The following RALGPS2 variants were observed in gnomAD, a reference collection of about 807,000 sequenced individuals.
RALGPS2 encodes the protein Ral GEF with PH domain and SH3 binding motif 2.
Under a neutral mutation model 86.8 loss-of-function variants are expected in RALGPS2, and 43 were observed. The observed-to-expected ratio is 0.50, with a 90% CI of 0.39 to 0.64. The LOEUF (loss-of-function observed/expected upper bound fraction) is 0.64. Among genes scored for constraint, RALGPS2 ranks in the 30% least tolerant of loss-of-function variants. The pLI, the probability that RALGPS2 is intolerant of heterozygous loss-of-function variation, is 0.00. For missense variants in RALGPS2, 536 were observed against 694.6 expected, an observed-to-expected ratio of 0.77 and a Z score of 2.57; for synonymous variants, 243 against 231.3, an observed-to-expected ratio of 1.05 and a Z score of -0.46.
intron 2 of RALGPS2, among the ~76,000 whole-genome samples, chr1:178,783,105 A>T (rs2102124297): frequency 6.6e-6 from 1 of 152,358 alleles, no homozygotes; most frequent in Admixed American, 6.5e-5. Context: ...TAATGAAAAA[A>T]AGCGTACAGC....
At chr1:178,846,976 A>C (rs1656895344) in intron 8 of RALGPS2, among the ~76,000 whole-genome samples, 2 of 152,214 alleles carry the variant, frequency 1.3e-5, no homozygotes, top group South Asian at 4.1e-4. Context: ...GAGACAAAGG[A>C]GTTTAAATTG....
At chr1:178,882,012 A>G (rs1014177084) in intron 10 of RALGPS2, among the ~76,000 whole-genome samples, 9 of 152,240 alleles carry the variant, frequency 5.9e-5, no homozygotes, top group African/African-American at 2.2e-4. Context: ...CAGGGTGAAA[A>G]TTCTTCTGGG....
At chr1:178,849,086 T>C (rs1177792029) in intron 8 of RALGPS2, among the ~76,000 whole-genome samples, 1 of 152,240 alleles carries the variant, frequency 6.6e-6, no homozygotes, top group Non-Finnish European at 1.5e-5. Context: ...TTTACCTGTA[T>C]TAACTCATTT....
At chr1:178,810,936 A>G (rs1558129707) in intron 5 of RALGPS2, among the ~76,000 whole-genome samples, 1 of 152,106 alleles carries the variant, frequency 6.6e-6, no homozygotes, top group African/African-American at 2.4e-5. Context: ...GAGCATTATC[A>G]TATTATATAT....
chr1:178,750,132 G>A (rs1202880576), intron 1 of RALGPS2, among the ~76,000 whole-genome samples: 1 of 152,068 alleles, frequency 6.6e-6, no homozygotes, highest in Non-Finnish European at 1.5e-5. Context: ...CAAAAAAACA[G>A]TACTTTCTGA....
chr1:178,750,308 A>T (rs1651584110), intron 1 of RALGPS2, among the ~76,000 whole-genome samples: 1 of 152,236 alleles, frequency 6.6e-6, no homozygotes. Context: ...ACATAAATGG[A>T]TGAGTGGCTG....
At chr1:178,743,422 C>T (rs755513639) in intron 1 of RALGPS2, among the ~76,000 whole-genome samples, 1 of 152,062 alleles carries the variant, frequency 6.6e-6, no homozygotes, top group Non-Finnish European at 1.5e-5. Flanking sequence ...TAACTTTCTA[C>T]TCATTAGAAT....
At chr1:178,854,507 CACTT>C (rs1345781495) in intron 8 of RALGPS2, among the ~76,000 whole-genome samples, 4 of 152,124 alleles carry the variant, frequency 2.6e-5, no homozygotes, top group African/African-American at 9.7e-5. Flanking sequence ...CCCCCAACAA[CACTT>C]ACTAACAGCC....
intron 3 of RALGPS2, among the ~76,000 whole-genome samples, chr1:178,784,794 C>G (rs575719393): frequency 6.6e-6 from 1 of 152,010 alleles, no homozygotes; most frequent in South Asian, 2.1e-4. Flanking sequence ...TTGCTGTCAT[C>G]CCTCTATACC....
At chr1:178,804,373 C>T (rs1321184313) in intron 4 of RALGPS2, among the ~76,000 whole-genome samples, 1 of 143,450 alleles carries the variant, frequency 7.0e-6, no homozygotes, top group Non-Finnish European at 1.5e-5. Context: ...GTGTGCTGCA[C>T]CCACTAACTC....
At chr1:178,799,928 C>A (rs1654391404) in intron 4 of RALGPS2, among the ~76,000 whole-genome samples, 1 of 152,160 alleles carries the variant, frequency 6.6e-6, no homozygotes, top group African/African-American at 2.4e-5. Context: ...CCAGATGTTA[C>A]ACGTGAATTC....
chr1:178,757,594 T>G (rs932162185), intron 1 of RALGPS2, among the ~76,000 whole-genome samples: 2 of 152,236 alleles, frequency 1.3e-5, no homozygotes, highest in Non-Finnish European at 2.9e-5. Context: ...GAATCACATT[T>G]ATTGATTTGT....
chr1:178,858,487 G>A (rs568138734), intron 8 of RALGPS2, among the ~76,000 whole-genome samples: 7 of 152,134 alleles, frequency 4.6e-5, no homozygotes, highest in Non-Finnish European at 7.4e-5. Context: ...TGTTCATGAT[G>A]ATTCAAAAGG....
chr1:178,897,279 A>C (rs1659992190), intron 16 of RALGPS2, among the ~76,000 whole-genome samples: 1 of 152,070 alleles, frequency 6.6e-6, no homozygotes, highest in Non-Finnish European at 1.5e-5. Flanking sequence ...TTAAAAAGTC[A>C]GGAAACAACA....
In RALGPS2 at chr1:178,907,858, T is replaced by C. The variant is rs112942043; in HGVS notation, c.1722+991T>C. ...GATAATTGAAACTAAGGCTCCATAA[T>C]ACAAAATGACCTACACAGGTCACAC... is the stretch of plus-strand genomic sequence containing the variant. On this transcript the variant is annotated intron_variant, in intron 19 of 19. Transcript: ENST00000367635. Among the ~76,000 whole-genome samples, 193 of 152,258 alleles carry C rather than the reference T, an allele frequency of 1.3e-3. 2 individuals carry two copies. Among genetic ancestry groups the C allele is most frequent in the African/African-American group, 4.3e-3 (177 of 41,550 alleles).
chr1:178,833,680 G>A (rs1182088946), intron 8 of RALGPS2, 130 bp downstream of exon 8: 2 of 1,358,570 alleles, frequency 1.5e-6, no homozygotes, highest in Non-Finnish European at 9.5e-7. Flanking sequence ...TTGGTAAGCT[G>A]AAAAAAATGA....
intron 1 of RALGPS2, among the ~76,000 whole-genome samples, chr1:178,756,240 C>T (rs544537460): frequency 2.0e-5 from 3 of 152,192 alleles, no homozygotes; most frequent in Admixed American, 6.5e-5. Flanking sequence ...TCCCAAGGCA[C>T]ATGTCCAGAA....
intron 8 of RALGPS2, among the ~76,000 whole-genome samples, chr1:178,857,884 A>AT (rs1321221227): frequency 6.6e-6 from 1 of 152,176 alleles, no homozygotes; most frequent in Non-Finnish European, 1.5e-5. Context: ...AGCTATACTC[A>AT]TTTTTTGCTA....
At chr1:178,784,227 A>G (rs1202994424) in intron 2 of RALGPS2, among the ~76,000 whole-genome samples, 191 bp from the exon 3 acceptor site, 1 of 152,148 alleles carries the variant, frequency 6.6e-6, no homozygotes, top group Non-Finnish European at 1.5e-5. Context: ...ATTTAAAGTC[A>G]CAGTTTTAGA....
Sources: allele counts gnomAD v4.1 joint callset (sites outside exome capture counted in the v4.1 genomes callset), GRCh38; gene constraint gnomAD v4.1.1; transcripts MANE v1.5; gene names NCBI Gene and HGNC (gene_info 2026-07-23, HGNC 2026-07-21).